The following PRRX2 variants were observed in gnomAD, a reference collection of about 807,000 sequenced individuals.
PRRX2 encodes paired mesoderm homeobox protein 2.
Under a neutral mutation model 18.0 loss-of-function variants are expected in PRRX2, and 11 were observed. The observed-to-expected ratio is 0.61, with a 90% CI of 0.39 to 1.01. The LOEUF is 1.01. PRRX2 is among the 50% of genes least tolerant of loss of function. The pLI is 0.01. For missense variants in PRRX2, 387 were observed against 351.0 expected, an observed-to-expected ratio of 1.10 and a Z score of -0.82; for synonymous variants, 177 against 154.8, an observed-to-expected ratio of 1.14 and a Z score of -1.06.
At chr9:129,677,642 G>A (rs1418527972) in intron 1 of PRRX2, among the ~76,000 whole-genome samples, 1 of 152,234 alleles carries the variant, frequency 6.6e-6, no homozygotes, top group Non-Finnish European at 1.5e-5. Flanking sequence ...CTGTGATGGG[G>A]AGGGGGGTGA....
chr9:129,669,166 A>T (rs201147578), intron 1 of PRRX2, among the ~76,000 whole-genome samples: 16 of 90,422 alleles, frequency 1.8e-4, no homozygotes, highest in Middle Eastern at 0.012. Flanking sequence ...AACTTTTTTT[A>T]ATTTAAAAAT....
At position 129,719,283 on chromosome 9, in the gene PRRX2, G is replaced by C. The variant is rs149764500; in HGVS notation, c.312G>C (p.Gln104His). 3 of 1,609,796 alleles carry C rather than the reference G, an allele frequency of 1.9e-6. No homozygotes were observed. The highest frequency in any genetic ancestry group is 1.3e-5 in the African/African-American group (1 of 74,808). ...GCGCCGCCAAGCGGAAGAAGAAGCA[G>C]CGGCGGAACCGCACCACGTTCAACA... is the stretch of plus-strand genomic sequence containing the variant. The part of the protein sequence containing the change: ...RGSAAKRKKK[Q>H]RRNRTTFNSS... The change falls in exon 2 of 4, where the codon CAG (glutamine) becomes CAC (histidine). Residue 104 changes from glutamine to histidine, a missense_variant. Transcript: ENST00000372469.
chr9:129,711,399 C>CT (rs897807963), intron 1 of PRRX2, among the ~76,000 whole-genome samples: 5,219 of 84,952 alleles, frequency 0.061, 418 homozygotes, highest in African/African-American at 0.13. Flanking sequence ...GTGAGATTCT[C>CT]TTTTTTTTTT....
intron 1 of PRRX2, among the ~76,000 whole-genome samples, chr9:129,676,541 G>C (rs1279028642): frequency 6.6e-6 from 1 of 152,214 alleles, no homozygotes; most frequent in East Asian, 1.9e-4. Flanking sequence ...GGAGAAGCCA[G>C]AGCCCATGTG....
At chr9:129,686,409 C>G (rs1437854021) in intron 1 of PRRX2, among the ~76,000 whole-genome samples, 1 of 152,162 alleles carries the variant, frequency 6.6e-6, no homozygotes, top group African/African-American at 2.4e-5. Flanking sequence ...TGCAGTGGTG[C>G]GATCACAGCT....
rs991312817 is a variant in PRRX2 at position 129,676,685 on chromosome 9, C to T, written c.259+10559C>T. On this transcript the variant is annotated intron_variant, in intron 1 of 3. Coordinates refer to ENST00000372469, the MANE Select transcript of PRRX2 (RefSeq NM_016307.4). The stretch of plus-strand genomic sequence containing the variant: ...TAGCCCTCACTGAGGCCAGGCAACC[C>T]CTTGAGGCCCCCACCACTAACCCTG... Among the ~76,000 whole-genome samples, 72 of 152,316 alleles carry T rather than the reference C, an allele frequency of 4.7e-4. 1 individual carries two copies. Among genetic ancestry groups the T allele is most frequent in the Non-Finnish European group, 9.4e-4 (64 of 68,024 alleles).
intron 1 of PRRX2, among the ~76,000 whole-genome samples, chr9:129,692,142 G>T (rs1832368393): frequency 6.6e-6 from 1 of 151,318 alleles, no homozygotes; most frequent in South Asian, 2.1e-4. Context: ...AAGTGATAAG[G>T]TTTTGCTGTG....
intron 1 of PRRX2, among the ~76,000 whole-genome samples, chr9:129,716,454 C>CTTT (rs71497484): frequency 7.3e-6 from 1 of 137,170 alleles, no homozygotes; most frequent in Non-Finnish European, 1.6e-5. Context: ...TGCTTTCTTT[C>CTTT]TTTTTTTTTT....
At position 129,695,943 on chromosome 9, in the gene PRRX2, G is replaced by C. The variant is rs1389776216; in HGVS notation, c.260-23288G>C. Among the ~76,000 whole-genome samples, 6 of 152,196 alleles carry C rather than the reference G, an allele frequency of 3.9e-5. No individual in the cohort carries two copies. The highest frequency in any genetic ancestry group is 1.4e-4 in the African/African-American group (6 of 41,448). On this transcript the variant is annotated intron_variant, in intron 1 of 3. Coordinates refer to ENST00000372469, the MANE Select transcript of PRRX2 (RefSeq NM_016307.4). This position sits in a 1 kb window ranked among gnomAD's most constrained non-coding sequence, Gnocchi z 4.8. The stretch of plus-strand genomic sequence containing the variant: ...TTAAGGGTGAACATGGCACTTTGAT[G>C]TGGCCCCATTTCCTTATAAAGCCCC...
In PRRX2 at chr9:129,709,459, C is replaced by T. The variant is rs1465367875; in HGVS notation, c.260-9772C>T. Among the ~76,000 whole-genome samples, 1 of 152,054 alleles carries T rather than the reference C, an allele frequency of 6.6e-6. No homozygotes were observed. Among genetic ancestry groups the T allele is most frequent in the Non-Finnish European group, 1.5e-5 (1 of 67,996 alleles). ...CCACACTAGCCACCATTCTTGCAGC[C>T]ACACTGGCTACCGGCCCCCAGGGCT... On this transcript the variant is annotated intron_variant, in intron 1 of 3. Transcript: ENST00000372469. This position sits in a 1 kb window ranked among gnomAD's most constrained non-coding sequence, Gnocchi z 4.2.
At chr9:129,678,729 G>A (rs1832191568) in intron 1 of PRRX2, among the ~76,000 whole-genome samples, 1 of 152,172 alleles carries the variant, frequency 6.6e-6, no homozygotes, top group African/African-American at 2.4e-5. Flanking sequence ...TGTGTTAAGA[G>A]CAGTGGGGAT....
rs1165343797 is a variant in PRRX2 at position 129,684,532 on chromosome 9, A to ACACACC, written c.259+18407_259+18408insACACCC. On this transcript the variant is annotated intron_variant, in intron 1 of 3. Coordinates refer to ENST00000372469, the MANE Select transcript of PRRX2 (RefSeq NM_016307.4). ...CACACACACACACACACCCACACAC[A>ACACACC]CCCCAACAGAAAAGAGACCAGAAAT... 1.1e-3 allele frequency among the ~76,000 whole-genome samples: 154 copies of ACACACC among 140,358 alleles called. 4 individuals are homozygous for ACACACC. Among genetic ancestry groups the ACACACC allele is most frequent in the African/African-American group, 3.8e-3 (134 of 34,980 alleles). 92.1% of individuals were successfully genotyped at this position (140,358 alleles called of 152,430 possible). A position where few individuals can be genotyped will look rare whatever the true frequency, so the allele number is the denominator to read the frequency against.
intron 1 of PRRX2, among the ~76,000 whole-genome samples, chr9:129,714,845 G>T (rs1453898451): frequency 6.6e-6 from 1 of 152,170 alleles, no homozygotes; most frequent in African/African-American, 2.4e-5. Context: ...TTGGGTGTGT[G>T]CCCAAGAGGA....
At chr9:129,708,172 A>G (rs1323008632) in intron 1 of PRRX2, among the ~76,000 whole-genome samples, 1 of 152,050 alleles carries the variant, frequency 6.6e-6, no homozygotes. Context: ...AGTAACTGGG[A>G]TTTCAGGTAC....
Position 129,665,882 on chromosome 9 carries a change from C to T in PRRX2, c.15C>T (p.Ala5=). Residue 5 remains alanine, a synonymous_variant, in exon 1 of 4, where the codon GCC becomes GCT. Coordinates refer to ENST00000372469, the MANE Select transcript of PRRX2 (RefSeq NM_016307.4). The surrounding 1 kb of genome is among the most constrained non-coding windows in gnomAD (Gnocchi z 5.3). ...CGCTCGCGGGCATGGACAGCGCGGC[C>T]GCCGCCTTCGCCCTGGACAAGCCGG... MDSA[A]AAFALDKPAL... 2 of 1,071,342 alleles carry T rather than the reference C, an allele frequency of 1.9e-6. No individual in the cohort carries two copies. Among genetic ancestry groups the T allele is most frequent in the Non-Finnish European group, 2.2e-6 (2 of 890,798 alleles). The allele number at this position is 1,071,342 out of a possible 1,614,324, so 66.4% of individuals were successfully genotyped here. A position where few individuals can be genotyped will look rare whatever the true frequency, so the allele number is the denominator to read the frequency against.
chr9:129,718,152 GAGCTGCT>G (rs1832737983), intron 1 of PRRX2, among the ~76,000 whole-genome samples: 1 of 149,116 alleles, frequency 6.7e-6, no homozygotes, highest in Non-Finnish European at 1.5e-5. Flanking sequence ...CTCCTTACCA[GAGCTGCT>G]AGTTCTGTAC....
intron 1 of PRRX2, among the ~76,000 whole-genome samples, chr9:129,682,092 C>T (rs537171243): frequency 6.6e-6 from 1 of 152,190 alleles, no homozygotes; most frequent in Admixed American, 6.5e-5. Context: ...CCCGTGGCCT[C>T]CTCCTGTGCC....
rs576306307 is a variant in PRRX2 at position 129,719,055 on chromosome 9, TTGAAGAGTGA to T, written c.260-175_260-166del. On this transcript the variant is annotated intron_variant, in intron 1 of 3. Transcript: ENST00000372469. ...CACACAGGTGCTCAGTAAATACGTG[TTGAAGAGTGA>T]ATGGATGGGTGGATGCCAGAAGGAA... is the stretch of plus-strand genomic sequence containing the variant. Among the ~76,000 whole-genome samples, 24 of 152,200 alleles carry T rather than the reference TTGAAGAGTGA, an allele frequency of 1.6e-4. 1 individual carries two copies. In the South Asian group the frequency reaches 4.8e-3, roughly 30 times the overall value.
intron 1 of PRRX2, among the ~76,000 whole-genome samples, chr9:129,690,913 T>C (rs1036086923): frequency 3.9e-5 from 6 of 152,016 alleles, no homozygotes; most frequent in Admixed American, 1.3e-4. Flanking sequence ...AATAAGACCC[T>C]CTCCTTTAGG....
Sources: allele counts gnomAD v4.1 joint callset (sites outside exome capture counted in the v4.1 genomes callset), GRCh38; gene constraint gnomAD v4.1.1; non-coding constraint Gnocchi (gnomAD v3.1); transcripts MANE v1.5; gene names NCBI Gene and HGNC (gene_info 2026-07-23, HGNC 2026-07-21).